SRPK2: variants seen among roughly 807,000 people sequenced by gnomAD.
SRPK2 encodes SRSF protein kinase 2.
A neutral mutation model predicts 90.8 loss-of-function variants in SRPK2; 21 were observed. The observed-to-expected ratio is 0.23, with a 90% confidence interval of 0.16 to 0.33. The LOEUF is 0.33. Among genes scored for constraint, SRPK2 ranks in the 10% least tolerant of loss-of-function variants. The probability of loss-of-function intolerance (pLI) is 1.00; values close to 1 mark genes in which losing one functional copy is unlikely to be tolerated. For missense variants in SRPK2, 620 were observed against 869.0 expected, an observed-to-expected ratio of 0.71 and a Z score of 3.60; for synonymous variants, 288 against 311.1, an observed-to-expected ratio of 0.93 and a Z score of 0.78.
At chr7:105,190,377 T>C (rs1194416725) in intron 3 of SRPK2, among the ~76,000 whole-genome samples, 1 of 152,226 alleles carries the variant, frequency 6.6e-6, no homozygotes, top group African/African-American at 2.4e-5. Context: ...CATATCTTGG[T>C]TGCTCTCCTA....
intron 2 of SRPK2, among the ~76,000 whole-genome samples, chr7:105,257,049 G>A (rs907447830): frequency 2.0e-5 from 3 of 152,060 alleles, no homozygotes; most frequent in African/African-American, 2.4e-5. Context: ...TTATGCCAGG[G>A]GCCAGCCACC....
intron 3 of SRPK2, among the ~76,000 whole-genome samples, chr7:105,180,267 T>A (rs1402267838): frequency 1.3e-5 from 2 of 152,076 alleles, no homozygotes; most frequent in East Asian, 3.9e-4. Flanking sequence ...CCAAAAATAA[T>A]GCCACACACC....
chr7:105,336,670 G>C (rs1268714426), intron 2 of SRPK2, among the ~76,000 whole-genome samples: 2 of 152,100 alleles, frequency 1.3e-5, no homozygotes, highest in Non-Finnish European at 2.9e-5. Flanking sequence ...TTGTCTTACT[G>C]AACTACTTTT....
At chr7:105,392,076 T>C (rs1367021657), upstream of SRPK2, among the ~76,000 whole-genome samples, 11 of 152,146 alleles carry the variant, frequency 7.2e-5, no homozygotes, top group Admixed American at 7.2e-4. Flanking sequence ...TCAAAAACAT[T>C]ATGCTAAATA....
chr7:105,197,393 T>C (rs1458412557), intron 3 of SRPK2, among the ~76,000 whole-genome samples: 1 of 152,180 alleles, frequency 6.6e-6, no homozygotes, highest in East Asian at 1.9e-4. Context: ...CGGAGAACTA[T>C]GGATGATTTT....
upstream of SRPK2, chr7:105,389,282 C>A (rs760338616): frequency 2.4e-5 from 31 of 1,277,906 alleles, no homozygotes; most frequent in Non-Finnish European, 3.0e-5. Context: ...ATGCGCCCGT[C>A]CTTGGCCGGC....
chr7:105,389,005 G>A (rs1220829225), upstream of SRPK2: 30 of 812,240 alleles, frequency 3.7e-5, no homozygotes, highest in Admixed American at 6.0e-3. Flanking sequence ...GCCCCCACCC[G>A]CCGGCCCCGG....
At chr7:105,134,281 C>T (rs1471789397) in intron 11 of SRPK2, among the ~76,000 whole-genome samples, 1 of 152,110 alleles carries the variant, frequency 6.6e-6, no homozygotes, top group Non-Finnish European at 1.5e-5. Flanking sequence ...CGTTGCTGTT[C>T]TCGTGATACT....
At chr7:105,132,646 C>A in intron 13 of SRPK2, 145 bp downstream of exon 13, 1 of 638,712 alleles carries the variant, frequency 1.6e-6, no homozygotes, top group Non-Finnish European at 2.7e-6. Flanking sequence ...CCTGCGGCAG[C>A]AACCTTCCCC....
At chr7:105,312,308 T>C (rs1464075365) in intron 2 of SRPK2, among the ~76,000 whole-genome samples, 1 of 151,798 alleles carries the variant, frequency 6.6e-6, no homozygotes, top group Non-Finnish European at 1.5e-5. Flanking sequence ...GGCATGGTGG[T>C]GCACGCCTGT....
At chr7:105,346,736 T>A (rs967844237) in intron 2 of SRPK2, among the ~76,000 whole-genome samples, 1 of 151,100 alleles carries the variant, frequency 6.6e-6, no homozygotes, top group Non-Finnish European at 1.5e-5. Flanking sequence ...CTAGCCTGGG[T>A]GACAGCGCAA....
chr7:105,375,787 T>C (rs1820205857), intron 2 of SRPK2, among the ~76,000 whole-genome samples: 1 of 152,008 alleles, frequency 6.6e-6, no homozygotes, highest in Non-Finnish European at 1.5e-5. Context: ...AAAGGTAATA[T>C]GGCACCCATA....
intron 2 of SRPK2, among the ~76,000 whole-genome samples, chr7:105,377,944 T>C (rs763810762): frequency 1.4e-4 from 21 of 152,200 alleles, no homozygotes; most frequent in Non-Finnish European, 2.8e-4. Flanking sequence ...AGCCTCCCAA[T>C]GGAGCCCCTG....
rs186367306 is a variant in SRPK2, at chr7:105,359,130, A to C, written c.71+29518T>G. Among the ~76,000 whole-genome samples the C allele has an allele frequency of 1.9e-3, 287 of 150,320 alleles. 2 individuals carry two copies. Among genetic ancestry groups the C allele is most frequent in the African/African-American group, 6.7e-3 (275 of 40,988 alleles). On this transcript the variant is annotated intron_variant, in intron 2 of 15. Coordinates refer to ENST00000393651, the MANE Select transcript of SRPK2 (RefSeq NM_182692.3). The stretch of plus-strand genomic sequence containing the variant: ...AACATGAGGCTTGGAGAGGTCAAAC[A>C]AACCATATCCAAACCACAGCTTTTT...
chr7:105,126,503 A>G (rs1584875139), intron 14 of SRPK2, among the ~76,000 whole-genome samples, 163 bp from the exon 15 acceptor site: 1 of 152,236 alleles, frequency 6.6e-6, no homozygotes, highest in Non-Finnish European at 1.5e-5. Flanking sequence ...GGCAGGCCTC[A>G]GGCACCACCT....
At position 105,295,782 on chromosome 7, in the gene SRPK2, T is replaced by C. The variant is rs59010874; in HGVS notation, c.72-91997A>G. ...AGATGGTTTTATGGGATATACATTT[T>C]ACCACAATTTGAAAGTACACTAGTG... On this transcript the variant is annotated intron_variant, in intron 2 of 15. Coordinates refer to ENST00000393651, the MANE Select transcript of SRPK2 (RefSeq NM_182692.3). 3.4e-3 allele frequency among the ~76,000 whole-genome samples: 514 copies of C among 152,344 alleles called. 1 individual carries two copies. Among genetic ancestry groups the C allele is most frequent in the African/African-American group, 0.012 (479 of 41,586 alleles).
intron 2 of SRPK2, among the ~76,000 whole-genome samples, chr7:105,382,118 T>C (rs1490864925): frequency 1.3e-5 from 2 of 150,384 alleles, no homozygotes; most frequent in Non-Finnish European, 3.0e-5. Context: ...CAGTGAGCCA[T>C]GATTGCGCCA....
chr7:105,136,956 A>C (rs948321655), intron 11 of SRPK2, among the ~76,000 whole-genome samples: 2 of 152,222 alleles, frequency 1.3e-5, no homozygotes, highest in African/African-American at 4.8e-5. Flanking sequence ...ATGGGCAATA[A>C]GGCAAATAAA....
chr7:105,227,893 C>CAAAAAAAAAA (rs566478716), intron 2 of SRPK2, among the ~76,000 whole-genome samples: 2 of 84,688 alleles, frequency 2.4e-5, no homozygotes, highest in African/African-American at 8.1e-5. Context: ...TATCATTCAG[C>CAAAAAAAAAA]AAAAAAAAAA....
Sources: allele counts gnomAD v4.1 joint callset (sites outside exome capture counted in the v4.1 genomes callset), GRCh38; gene constraint gnomAD v4.1.1; transcripts MANE v1.5; gene names NCBI Gene and HGNC (gene_info 2026-07-23, HGNC 2026-07-21).